PHF14: variants seen among roughly 807,000 people sequenced by gnomAD.
The protein encoded by PHF14 is PHD finger protein 14.
PHF14 carries 55 observed loss-of-function variants against 117.9 expected under a neutral mutation model. The ratio of observed to expected loss-of-function variants is 0.47; its 90% CI spans 0.38 to 0.58. The LOEUF (loss-of-function observed/expected upper bound fraction) is 0.58, where lower values mean the gene tolerates loss of function less well. Ranked by LOEUF, PHF14 falls within the 20% of genes least tolerant of loss-of-function variation. The probability of loss-of-function intolerance (pLI) is 0.00; values close to 1 mark genes in which losing one functional copy is unlikely to be tolerated. For missense variants in PHF14, 978 were observed against 1,122.2 expected, an observed-to-expected ratio of 0.87 and a Z score of 1.84; for synonymous variants, 409 against 368.6, an observed-to-expected ratio of 1.11 and a Z score of -1.26.
rs973046951 is a variant in PHF14 at position 11,018,765 on chromosome 7, C to T, written c.1206-4103C>T. Among the ~76,000 whole-genome samples, 225 of 152,130 alleles carry T rather than the reference C, an allele frequency of 1.5e-3. 5 individuals are homozygous for T. Among genetic ancestry groups the T allele is most frequent in the Admixed American group, 0.015 (225 of 15,262 alleles). On this transcript the variant is annotated intron_variant, in intron 5 of 17. Coordinates refer to ENST00000634607, the MANE Select transcript of PHF14 (RefSeq NM_001007157.2). ...GTTGTCTGATTGCCGGAAGCTAGGGCTTCCAGTACTATGTTGAATAACAGT... is the reference window on the plus strand; with the variant it reads ...GTTGTCTGATTGCCGGAAGCTAGGGTTTCCAGTACTATGTTGAATAACAGT...
At chr7:11,060,110 C>T (rs1184330294) in intron 14 of PHF14, among the ~76,000 whole-genome samples, 1 of 152,132 alleles carries the variant, frequency 6.6e-6, no homozygotes, top group East Asian at 1.9e-4. Flanking sequence ...CTTTTAAGCT[C>T]AAGCAGTCTT....
chr7:11,103,020 A>C, intron 16 of PHF14: 2 of 990,896 alleles, frequency 2.0e-6, no homozygotes, highest in Non-Finnish European at 2.4e-6. Context: ...TTAGTCTGCT[A>C]TTCTGTTTCC....
intron 17 of PHF14, among the ~76,000 whole-genome samples, chr7:11,129,036 A>T (rs899557376): frequency 1.3e-5 from 2 of 151,966 alleles, no homozygotes; most frequent in African/African-American, 4.8e-5. Context: ...ACAACAGAGG[A>T]TATTTCTGTC....
Position 11,035,625 on chromosome 7 carries a change from GCTTT to G in PHF14, c.1456-10_1456-7del. ...GTACAAATGTTCACTATTTTTCTGT[GCTTT>G]CTTTGTATAGGATATAGCAGATCCA... is the stretch of plus-strand genomic sequence containing the variant. On this transcript the variant is annotated splice_polypyrimidine_tract_variant and intron_variant, in intron 7 of 17. Transcript: ENST00000634607. 6.5e-7 allele frequency: 1 copy of G among 1,535,922 alleles called. No individual in the cohort carries two copies. Among genetic ancestry groups the G allele is most frequent in the Non-Finnish European group, 8.8e-7 (1 of 1,133,988 alleles).
chr7:11,108,854 CATG>C (rs2128342989), intron 16 of PHF14: 1 of 151,772 alleles, frequency 6.6e-6, no homozygotes, highest in South Asian at 2.1e-4. Flanking sequence ...ACACATGCAT[CATG>C]ATAGTTGCCT....
intron 3 of PHF14, among the ~76,000 whole-genome samples, chr7:10,987,038 A>C (rs1447463556): frequency 2.0e-5 from 3 of 152,188 alleles, no homozygotes; most frequent in Non-Finnish European, 4.4e-5. Context: ...GAGAAATGGC[A>C]ATTGTCACCT....
At chr7:11,053,980 A>T (rs1784931824) in intron 14 of PHF14, among the ~76,000 whole-genome samples, 3 of 151,948 alleles carry the variant, frequency 2.0e-5, no homozygotes, top group Middle Eastern at 3.4e-3. Context: ...ATGCAGTGTG[A>T]TTATTTTCTT....
intron 5 of PHF14, among the ~76,000 whole-genome samples, chr7:11,019,445 G>A (rs1419318531): frequency 6.6e-6 from 1 of 152,112 alleles, no homozygotes; most frequent in Admixed American, 6.6e-5. Context: ...ACAGGCTTTG[G>A]ATTTCTTCAT....
chr7:11,138,425 C>T (rs1727649769), intron 17 of PHF14, among the ~76,000 whole-genome samples: 2 of 152,070 alleles, frequency 1.3e-5, no homozygotes, highest in Non-Finnish European at 2.9e-5. Context: ...TCAACTTTTA[C>T]CCACTTTATC....
intron 16 of PHF14, among the ~76,000 whole-genome samples, chr7:11,077,390 C>T (rs895139226): frequency 6.6e-6 from 1 of 151,440 alleles, no homozygotes; most frequent in Non-Finnish European, 1.5e-5. Context: ...ATCACAAGGT[C>T]AAGAGATGAA....
At chr7:11,003,881 A>G (rs1230861880) in intron 4 of PHF14, among the ~76,000 whole-genome samples, 1 of 152,222 alleles carries the variant, frequency 6.6e-6, no homozygotes, top group Non-Finnish European at 1.5e-5. Context: ...CTTGTGTACC[A>G]GGGGTTTTTT....
chr7:11,106,291 GTCTT>G (rs368826482), intron 16 of PHF14: 1 of 971,204 alleles, frequency 1.0e-6, no homozygotes, highest in African/African-American at 1.8e-5. Flanking sequence ...GAATATTTTT[GTCTT>G]TCTTACTACC....
chr7:11,008,887 T>C (rs558275352), intron 4 of PHF14, among the ~76,000 whole-genome samples: 1 of 151,826 alleles, frequency 6.6e-6, no homozygotes, highest in African/African-American at 2.4e-5. Context: ...TACAAAAAAA[T>C]TAGCCGGGCA....
intron 4 of PHF14, among the ~76,000 whole-genome samples, chr7:11,010,892 C>T (rs371206420): frequency 1.3e-5 from 2 of 152,108 alleles, no homozygotes; most frequent in Non-Finnish European, 2.9e-5. Context: ...TGGGCTCAAG[C>T]GATCATCCTG....
chr7:11,146,331 G>A (rs1369020429), intron 17 of PHF14, among the ~76,000 whole-genome samples: 1 of 151,964 alleles, frequency 6.6e-6, no homozygotes, highest in Non-Finnish European at 1.5e-5. Context: ...TATTTTCATT[G>A]ACAAATGTTT....
Position 11,013,734 on chromosome 7 carries a change from T to C in PHF14, c.1046-13T>C. 1 of 1,470,018 alleles carries C rather than the reference T, an allele frequency of 6.8e-7. No individual in the cohort carries two copies. The highest frequency in any genetic ancestry group is 9.3e-7 in the Non-Finnish European group (1 of 1,079,616). The allele number at this position is 1,470,018 out of a possible 1,614,324, so 91.1% of individuals were successfully genotyped here. A position where few individuals can be genotyped will look rare whatever the true frequency, so the allele number is the denominator to read the frequency against. On this transcript the variant is annotated splice_polypyrimidine_tract_variant and intron_variant, in intron 4 of 17. Coordinates refer to ENST00000634607, the MANE Select transcript of PHF14 (RefSeq NM_001007157.2). ...TAAACCCTATTTAATCATAGTGTTT[T>C]TGTTTTTTTTAGGTTGTTATGGAGT...
chr7:10,998,912 C>G (rs1782759370), intron 4 of PHF14, among the ~76,000 whole-genome samples: 2 of 152,138 alleles, frequency 1.3e-5, no homozygotes, highest in South Asian at 4.1e-4. Context: ...TGGTCATTGA[C>G]TATGGATGTA....
At chr7:11,047,858 GGCGGGAAAAAGA>G (rs1784725835) in intron 13 of PHF14, among the ~76,000 whole-genome samples, 1 of 126,494 alleles carries the variant, frequency 7.9e-6, no homozygotes, top group Non-Finnish European at 1.7e-5. Flanking sequence ...AGGGAGGGAG[GGCGGGAAAAAGA>G]GAGGAAGGAA....
intron 14 of PHF14, among the ~76,000 whole-genome samples, chr7:11,056,400 GTTAT>G (rs59707181): frequency 0.36 from 53,865 of 151,622 alleles, 10,154 homozygotes; most frequent in East Asian, 0.74. Context: ...TAGACCCATA[GTTAT>G]TTCAGTTTAT....
Sources: gnomAD v4.1 joint callset for allele counts (sites outside exome capture counted in the v4.1 genomes callset) on GRCh38, gnomAD v4.1.1 for gene constraint, MANE v1.5 for transcripts, NCBI Gene and HGNC (gene_info 2026-07-23, HGNC 2026-07-21) for gene names.